The following PTCHD4 variants were observed in gnomAD, a reference collection of about 807,000 sequenced individuals.
PTCHD4 encodes patched domain-containing protein 4.
A neutral mutation model predicts 58.1 loss-of-function variants in PTCHD4; 33 were observed. The observed-to-expected ratio is 0.57, with a 90% CI of 0.43 to 0.76. PTCHD4 has a LOEUF of 0.76. Ranked by LOEUF, PTCHD4 falls within the 30% of genes least tolerant of loss-of-function variation. The probability of loss-of-function intolerance (pLI) is 0.00; values close to 1 mark genes in which losing one functional copy is unlikely to be tolerated. For synonymous variants in PTCHD4, 478 were observed against 409.6 expected (o/e 1.17, Z -2.02); for missense variants, 1,058 against 1,027.1 (o/e 1.03, Z -0.41).
chr6:47,970,037 A>G (rs531602205), intron 4 of PTCHD4, among the ~76,000 whole-genome samples: 1 of 152,282 alleles, frequency 6.6e-6, no homozygotes, highest in Admixed American at 6.5e-5. Flanking sequence ...ATCTGAGCAT[A>G]TGGATGTAGC....
chr6:47,871,966 A>G lies in PTCHD4; in HGVS notation c.*6337T>C, dbSNP rs1763723912. The stretch of plus-strand genomic sequence containing the variant: ...GAAGAAAAGATGCCAGAATTCCCTT[A>G]TTCTACTTGAAAATAGATGCTACAG... On this transcript the variant is annotated 3_prime_UTR_variant, in exon 5 of 5. Transcript: ENST00000339488. Among the ~76,000 whole-genome samples, 1 of 151,488 alleles carries G rather than the reference A, an allele frequency of 6.6e-6. No homozygotes were observed. Among genetic ancestry groups the G allele is most frequent in the Non-Finnish European group, 1.5e-5 (1 of 67,702 alleles).
intron 4 of PTCHD4, among the ~76,000 whole-genome samples, chr6:47,893,345 C>T (rs1484303544): frequency 6.6e-6 from 1 of 152,110 alleles, no homozygotes; most frequent in Non-Finnish European, 1.5e-5. Flanking sequence ...GACTTTTGTT[C>T]CTCTTCTGTA....
At chr6:48,076,464 A>G (rs1765065662) in intron 1 of PTCHD4, among the ~76,000 whole-genome samples, 2 of 152,352 alleles carry the variant, frequency 1.3e-5, no homozygotes, top group Admixed American at 1.3e-4. Context: ...CAGATTCATC[A>G]GAGGAATCAG....
At chr6:47,975,644 C>T (rs1370283279) in intron 4 of PTCHD4, among the ~76,000 whole-genome samples, 1 of 152,198 alleles carries the variant, frequency 6.6e-6, no homozygotes, top group Non-Finnish European at 1.5e-5. Context: ...CCACGTGTCA[C>T]TACTGCACCC....
At chr6:48,026,542 T>C (rs1181783476) in intron 3 of PTCHD4, among the ~76,000 whole-genome samples, 3 of 152,092 alleles carry the variant, frequency 2.0e-5, no homozygotes, top group African/African-American at 7.2e-5. Flanking sequence ...TTCAAACCCA[T>C]CTCTGCCTCT....
chr6:47,998,783 A>T (rs990083859), intron 4 of PTCHD4, among the ~76,000 whole-genome samples: 1 of 152,166 alleles, frequency 6.6e-6, no homozygotes, highest in Non-Finnish European at 1.5e-5. Flanking sequence ...TAGTGAGACA[A>T]TGTCTCACTT....
At chr6:47,943,402 C>G (rs1182628231) in intron 4 of PTCHD4, among the ~76,000 whole-genome samples, 1 of 151,998 alleles carries the variant, frequency 6.6e-6, no homozygotes, top group Non-Finnish European at 1.5e-5. Context: ...TAGATGAATA[C>G]CTACTAGGGA....
At chr6:47,979,475 G>A (rs1352442204) in intron 4 of PTCHD4, among the ~76,000 whole-genome samples, 1 of 152,046 alleles carries the variant, frequency 6.6e-6, no homozygotes, top group East Asian at 1.9e-4. Flanking sequence ...ATAGCTATGT[G>A]ATAAAAAAGT....
intron 1 of PTCHD4, among the ~76,000 whole-genome samples, chr6:48,078,909 G>A (rs1276345157): frequency 6.6e-6 from 1 of 152,010 alleles, no homozygotes; most frequent in Non-Finnish European, 1.5e-5. Context: ...ACGAGGTTAG[G>A]ATATCGAGAC....
chr6:47,934,807 A>G (rs1325290699), intron 4 of PTCHD4, among the ~76,000 whole-genome samples: 2 of 152,224 alleles, frequency 1.3e-5, no homozygotes, highest in Non-Finnish European at 2.9e-5. Flanking sequence ...TTGTGAAAAT[A>G]CAGATATTAT....
rs527982313 is a variant in PTCHD4 at position 47,861,820 on chromosome 6, C to T, written c.*16483G>A. ...AATTTGAACTGCTTTGTCCCTCACA[C>T]AGGACTTTGTACATCACTTGGCACA... On this transcript the variant is annotated 3_prime_UTR_variant, in exon 5 of 5. Transcript: ENST00000339488. Among the ~76,000 whole-genome samples, 128 of 152,048 alleles carry T rather than the reference C, an allele frequency of 8.4e-4. No individual in the cohort carries two copies. Among genetic ancestry groups the T allele is most frequent in the African/African-American group, 2.8e-3 (118 of 41,536 alleles).
At chr6:47,902,421 C>T (rs1226926432) in intron 4 of PTCHD4, among the ~76,000 whole-genome samples, 2 of 152,096 alleles carry the variant, frequency 1.3e-5, no homozygotes, top group African/African-American at 4.8e-5. Context: ...GTTGTCCCTA[C>T]CCACTATGTT....
In PTCHD4 at chr6:47,878,524, G is replaced by C. The variant is rs1264700394; in HGVS notation, c.2311C>G (p.Leu771Val). The C allele has an allele frequency of 6.2e-7, 1 of 1,613,496 alleles. No individual in the cohort carries two copies. Residue 771 changes from leucine (L) to valine (V), a missense_variant, in exon 5 of 5, where the codon CTA becomes GTA. Leu to Val is a conservative substitution (Grantham distance 32). Coordinates refer to ENST00000339488, the MANE Select transcript of PTCHD4 (RefSeq NM_001384253.1). Reference sequence around the variant, plus strand: ...AAGGTCAGGTTCGAAGGCACAAATAGAAGGGGGACTAACCCAATAAGAAAA... The same window carrying C: ...AAGGTCAGGTTCGAAGGCACAAATACAAGGGGGACTAACCCAATAAGAAAA... ...TSFLIGLVPL[L>V]FVPSNLTFTL...
At chr6:47,920,978 C>T (rs1198635851) in intron 4 of PTCHD4, among the ~76,000 whole-genome samples, 1 of 152,076 alleles carries the variant, frequency 6.6e-6, no homozygotes, top group East Asian at 1.9e-4. Context: ...ACACTGTCAG[C>T]TTAGGCCACT....
intron 1 of PTCHD4, among the ~76,000 whole-genome samples, chr6:48,105,929 A>G (rs1175892102): frequency 1.3e-5 from 2 of 152,224 alleles, no homozygotes; most frequent in South Asian, 2.1e-4. Context: ...AGAGACCAAT[A>G]GCAAGCTCTG....
intron 4 of PTCHD4, 37 bp downstream of exon 4, chr6:48,008,597 C>G: frequency 3.8e-6 from 6 of 1,589,938 alleles, no homozygotes; most frequent in Non-Finnish European, 5.1e-6. Context: ...TGCCCCAAAC[C>G]GGTAAGAATC....
chr6:47,870,533 A>G lies in PTCHD4; in HGVS notation c.*7770T>C, dbSNP rs1763688319. On this transcript the variant is annotated 3_prime_UTR_variant, in exon 5 of 5. Coordinates refer to ENST00000339488, the MANE Select transcript of PTCHD4 (RefSeq NM_001384253.1). ...GCAAAATGTTTTTTCACTGATCAAC[A>G]TAGAGGTAAATTTTGATAATGGACC... 6.6e-6 allele frequency among the ~76,000 whole-genome samples: 1 copy of G among 151,672 alleles called. No individual in the cohort carries two copies. Among genetic ancestry groups the G allele is most frequent in the Non-Finnish European group, 1.5e-5 (1 of 67,744 alleles).
At chr6:48,089,770 C>CA (rs1765329455) in intron 1 of PTCHD4, among the ~76,000 whole-genome samples, 2 of 152,176 alleles carry the variant, frequency 1.3e-5, no homozygotes, top group Admixed American at 1.3e-4. Context: ...TTCTTATTCC[C>CA]AAAGTTGTGA....
At position 47,869,993 on chromosome 6, in the gene PTCHD4, A is replaced by G. The variant is rs1666218673; in HGVS notation, c.*8310T>C. Reference sequence around the variant, plus strand: ...TTAAGAATAACCTAGCTTTTACAGCATTTGTGATTGTGATTTTAAAAGACC... The same window carrying G: ...TTAAGAATAACCTAGCTTTTACAGCGTTTGTGATTGTGATTTTAAAAGACC... On this transcript the variant is annotated 3_prime_UTR_variant, in exon 5 of 5. Coordinates refer to ENST00000339488, the MANE Select transcript of PTCHD4 (RefSeq NM_001384253.1). Among the ~76,000 whole-genome samples, 1 of 151,614 alleles carries G rather than the reference A, an allele frequency of 6.6e-6. No individual in the cohort carries two copies. The highest frequency in any genetic ancestry group is 2.1e-4 in the South Asian group (1 of 4,824).
Sources: allele counts gnomAD v4.1 joint callset (sites outside exome capture counted in the v4.1 genomes callset), GRCh38; gene constraint gnomAD v4.1.1; transcripts MANE v1.5; gene names NCBI Gene and HGNC (gene_info 2026-07-23, HGNC 2026-07-21).